ZNF330: variants seen among roughly 807,000 people sequenced by gnomAD.
ZNF330 encodes zinc finger protein 330.
In ZNF330, 31 loss-of-function variants were observed where a neutral mutation model predicts 45.5. The observed-to-expected ratio is 0.68, with a 90% CI of 0.51 to 0.92. ZNF330 has a LOEUF of 0.92. Ranked by LOEUF, ZNF330 falls within the 40% of genes least tolerant of loss-of-function variation. The pLI is 0.00. For missense variants in ZNF330, 356 were observed against 387.4 expected, an observed-to-expected ratio of 0.92 and a Z score of 0.68; for synonymous variants, 138 against 123.2, an observed-to-expected ratio of 1.12 and a Z score of -0.79.
intron 2 of ZNF330, 42 bp downstream of exon 2, chr4:141,222,533 A>G (rs367649946): frequency 1.1e-5 from 17 of 1,594,586 alleles, no homozygotes; most frequent in African/African-American, 4.1e-5. Flanking sequence ...TGGAAAAACT[A>G]TATACTATTT....
intron 4 of ZNF330, among the ~76,000 whole-genome samples, chr4:141,226,062 CATT>C (rs1728796187): frequency 6.6e-6 from 1 of 152,012 alleles, no homozygotes; most frequent in Non-Finnish European, 1.5e-5. Flanking sequence ...TTAATGTCAT[CATT>C]AACTCTCACA....
chr4:141,227,464 G>C (rs915390220), intron 5 of ZNF330, among the ~76,000 whole-genome samples: 2 of 152,082 alleles, frequency 1.3e-5, no homozygotes, highest in African/African-American at 4.8e-5. Flanking sequence ...CAAAGGACAT[G>C]AACTCATCAT....
chr4:141,233,841 A>G lies in ZNF330; in HGVS notation c.815A>G (p.Glu272Gly). Residue 272 changes from glutamate (E) to glycine (G), a missense_variant, in exon 10 of 10, where the codon GAG becomes GGG. Physicochemically the swap from Glu to Gly is moderately conservative, Grantham distance 98 (BLOSUM62 -2). Coordinates refer to ENST00000262990, the MANE Select transcript of ZNF330 (RefSeq NM_014487.6). ...YGDTSYHDEE[E>G]DEYEAEDDEE... ...GATACCAGCTACCACGATGAGGAGG[A>G]GGATGAGTATGAAGCAGAGGATGAT... 6.2e-7 allele frequency: 1 copy of G among 1,613,772 alleles called. No homozygotes were observed. Among genetic ancestry groups the G allele is most frequent in the Non-Finnish European group, 8.5e-7 (1 of 1,179,790 alleles).
chr4:141,224,463 A>G, intron 2 of ZNF330, 24 bp from the exon 3 acceptor site: 1 of 1,597,632 alleles, frequency 6.3e-7, no homozygotes, highest in Non-Finnish European at 8.5e-7. Context: ...AGAAAAATTA[A>G]TGTGATATTT....
chr4:141,225,800 A>G (rs1457512141), intron 4 of ZNF330, among the ~76,000 whole-genome samples: 2 of 152,074 alleles, frequency 1.3e-5, no homozygotes, highest in Non-Finnish European at 2.9e-5. Flanking sequence ...AGTTTGTGGA[A>G]GATTAATAGG....
In ZNF330 at chr4:141,233,598, C is replaced by T; in HGVS notation, c.689-117C>T. 4 of 1,427,804 alleles carry T rather than the reference C, an allele frequency of 2.8e-6. No individual in the cohort carries two copies. In the South Asian group the frequency reaches 6.3e-5, roughly 23 times the overall value. The allele number at this position is 1,427,804 out of a possible 1,614,324, so 88.4% of individuals were successfully genotyped here. On this transcript the variant is annotated intron_variant, in intron 9 of 9. Coordinates refer to ENST00000262990, the MANE Select transcript of ZNF330 (RefSeq NM_014487.6). ...GGTGAAAAAATTAGGAAAATGTGAC[C>T]TATTTTTTCATTTGGGATTGAAGCA...
intron 5 of ZNF330, 68 bp downstream of exon 5, chr4:141,226,914 G>T (rs1422257983): frequency 7.7e-7 from 1 of 1,291,194 alleles, no homozygotes; most frequent in Non-Finnish European, 1.1e-6. Flanking sequence ...CTGATCAGTG[G>T]TTATTTTTTT....
chr4:141,223,881 C>A (rs766361116), intron 2 of ZNF330: 4 of 441,212 alleles, frequency 9.1e-6, no homozygotes, highest in South Asian at 1.6e-5. Context: ...GAAAAGTGTT[C>A]GAATAAGTAA....
rs1728917301 is a variant in ZNF330 at position 141,230,256 on chromosome 4, C to G, written c.509C>G (p.Ala170Gly). Residue 170 changes from alanine (A) to glycine (G), a missense_variant, in exon 7 of 10, where the codon GCA becomes GGA. Transcript: ENST00000262990. ...EHQASCQVLE[A>G]ETFKCVSCNR... ...CAAGCCAGCTGCCAGGTTTTAGAGG[C>G]AGAAACATTTAAATGTAAGTTTTTA... is the stretch of plus-strand genomic sequence containing the variant. 6.2e-7 allele frequency: 1 copy of G among 1,605,388 alleles called. No individual in the cohort carries two copies. Among genetic ancestry groups the G allele is most frequent in the Admixed American group, 1.7e-5 (1 of 59,636 alleles).
chr4:141,230,769 T>C (rs1185145129), intron 7 of ZNF330, among the ~76,000 whole-genome samples: 1 of 152,108 alleles, frequency 6.6e-6, no homozygotes, highest in African/African-American at 2.4e-5. Flanking sequence ...TTTAAGTCCG[T>C]GGTGGGTGCC....
chr4:141,221,717 A>G (rs1728683116), intron 1 of ZNF330, among the ~76,000 whole-genome samples: 1 of 152,200 alleles, frequency 6.6e-6, no homozygotes, highest in Admixed American at 6.5e-5. Flanking sequence ...TGAAAATTAA[A>G]CATACTCTTA....
chr4:141,230,404 T>C, intron 7 of ZNF330, 134 bp downstream of exon 7: 1 of 569,562 alleles, frequency 1.8e-6, no homozygotes, highest in East Asian at 2.9e-5. Context: ...CTTTATTTTC[T>C]GTTTCTAGAA....
intron 1 of ZNF330, among the ~76,000 whole-genome samples, chr4:141,221,943 C>T (rs920160753): frequency 6.6e-6 from 1 of 152,122 alleles, no homozygotes; most frequent in African/African-American, 2.4e-5. Context: ...AGCGTCAGGT[C>T]ATCTGAATAT....
chr4:141,223,321 A>C (rs1439213349), intron 2 of ZNF330, among the ~76,000 whole-genome samples: 2 of 149,506 alleles, frequency 1.3e-5, no homozygotes, highest in African/African-American at 2.5e-5. Context: ...TAGTTTATTG[A>C]ATGGATAATG....
intron 2 of ZNF330, among the ~76,000 whole-genome samples, chr4:141,223,348 TGGGAAGGGGAAGGA>T (rs371658044): frequency 0.32 from 49,103 of 152,158 alleles, 8,993 homozygotes; most frequent in East Asian, 0.61. Flanking sequence ...CTCATATTGC[TGGGAAGGGGAAGGA>T]TATACCTGGG....
chr4:141,231,171 A>G lies in ZNF330; in HGVS notation c.524-268A>G, dbSNP rs141884939. The stretch of plus-strand genomic sequence containing the variant: ...TGTGTATATAATTCTTGCAATATTT[A>G]TATATAAAATTCTCAGATTAAAAGA... On this transcript the variant is annotated intron_variant, in intron 7 of 9. Coordinates refer to ENST00000262990, the MANE Select transcript of ZNF330 (RefSeq NM_014487.6). Among the ~76,000 whole-genome samples, 499 of 152,220 alleles carry G rather than the reference A, an allele frequency of 3.3e-3. 1 individual carries two copies. The highest frequency in any genetic ancestry group is 0.011 in the Admixed American group (161 of 15,268).
chr4:141,224,679 T>G lies in ZNF330; in HGVS notation c.211+2T>G. ...AGTTACCAATTTGTGCACAGTGTGG[T>G]AAGTTTGTAATAATTAAGGACATAT... On this transcript the variant is annotated splice_donor_variant, in intron 4 of 9. Transcript: ENST00000262990. LOFTEE classifies it high-confidence loss of function. 1 of 1,612,158 alleles carries G rather than the reference T, an allele frequency of 6.2e-7. No homozygotes were observed. The highest frequency in any genetic ancestry group is 8.5e-7 in the Non-Finnish European group (1 of 1,178,726).
At chr4:141,224,389 A>G (rs757485999) in intron 2 of ZNF330, 98 bp from the exon 3 acceptor site, 26 of 1,182,592 alleles carry the variant, frequency 2.2e-5, no homozygotes, top group Admixed American at 3.9e-5. Context: ...AGTGTCACTT[A>G]AATTTTAACC....
Position 141,222,487 on chromosome 4 carries a change from C to T in ZNF330, c.116C>T (p.Ser39Leu), listed in dbSNP as rs774803733. The T allele has an allele frequency of 1.9e-6, 3 of 1,610,170 alleles. No individual in the cohort carries two copies. Among genetic ancestry groups the T allele is most frequent in the African/African-American group, 1.3e-5 (1 of 74,550 alleles). ...TTAGCTAAACATCCATGTAATGCCTCAATGGTATCAGCTTTTTTTGATATC... is the reference window on the plus strand; with the variant it reads ...TTAGCTAAACATCCATGTAATGCCTTAATGGTATCAGCTTTTTTTGATATC... ...IDLAKHPCNA[S>L]MECDKCQRRQ... The change falls in exon 2 of 10, where the codon TCA becomes TTA. Residue 39 changes from serine (S) to leucine (L), a missense_variant. Physicochemically the swap from Ser to Leu is moderately radical, Grantham distance 145. Coordinates refer to ENST00000262990, the MANE Select transcript of ZNF330 (RefSeq NM_014487.6).
Sources: allele counts gnomAD v4.1 joint callset (sites outside exome capture counted in the v4.1 genomes callset), GRCh38; gene constraint gnomAD v4.1.1; transcripts MANE v1.5; gene names NCBI Gene and HGNC (gene_info 2026-07-23, HGNC 2026-07-21).